The following CACNA2D3 variants were observed in gnomAD, a reference collection of about 807,000 sequenced individuals.
The protein encoded by CACNA2D3 is voltage-dependent calcium channel subunit alpha-2/delta-3.
CACNA2D3 carries 60 observed loss-of-function variants against 160.6 expected under a neutral mutation model. The ratio of observed to expected loss-of-function variants is 0.37; its 90% confidence interval spans 0.30 to 0.46. CACNA2D3 has a LOEUF of 0.46. CACNA2D3 is among the 20% of genes least tolerant of loss of function. CACNA2D3 has a pLI of 1.00. For synonymous variants in CACNA2D3, 558 were observed against 492.9 expected (o/e 1.13, Z -1.75); for missense variants, 1,205 against 1,365.0 (o/e 0.88, Z 1.85).
intron 13 of CACNA2D3, among the ~76,000 whole-genome samples, chr3:54,794,665 C>T (rs1702831942): frequency 7.1e-6 from 1 of 141,394 alleles, no homozygotes; most frequent in South Asian, 2.2e-4. Context: ...GTGTTATTTT[C>T]ACTAGATACA....
intron 11 of CACNA2D3, among the ~76,000 whole-genome samples, chr3:54,675,513 T>G (rs1700229235): frequency 6.6e-6 from 1 of 152,066 alleles, no homozygotes; most frequent in Admixed American, 6.5e-5. Context: ...AGGTGGTCAG[T>G]CAGTCCTCTT....
At chr3:54,657,957 G>A (rs2106875490) in intron 11 of CACNA2D3, among the ~76,000 whole-genome samples, 1 of 152,322 alleles carries the variant, frequency 6.6e-6, no homozygotes, top group Admixed American at 6.5e-5. Context: ...GGTGGAAGTT[G>A]CAATGAGCTG....
At chr3:54,626,639 C>A in intron 9 of CACNA2D3, 1 of 1,134,950 alleles carries the variant, frequency 8.8e-7, no homozygotes, top group East Asian at 2.4e-5. Context: ...CGCTTCATCC[C>A]TCTCAAGCAG....
chr3:54,510,348 G>T (rs1424872012), intron 5 of CACNA2D3, among the ~76,000 whole-genome samples: 2 of 152,092 alleles, frequency 1.3e-5, no homozygotes, highest in East Asian at 3.9e-4. Flanking sequence ...TTATCTCATT[G>T]ACAATGACCC....
chr3:54,904,141 A>C (rs895076371), intron 27 of CACNA2D3, among the ~76,000 whole-genome samples: 1 of 152,232 alleles, frequency 6.6e-6, no homozygotes, highest in African/African-American at 2.4e-5. Flanking sequence ...AGGGCAAGAG[A>C]GCACACACAA....
At chr3:54,946,594 C>T (rs1850140) in intron 27 of CACNA2D3, among the ~76,000 whole-genome samples, 39,813 of 151,766 alleles carry the variant, frequency 0.26, 5,514 homozygotes, top group African/African-American at 0.35. Flanking sequence ...TTACTTTCAC[C>T]AAGGCCTTGT....
At chr3:54,125,720 G>T (rs138838248) in intron 2 of CACNA2D3, among the ~76,000 whole-genome samples, 1 of 152,180 alleles carries the variant, frequency 6.6e-6, no homozygotes, top group African/African-American at 2.4e-5. Flanking sequence ...AAATGCTTTT[G>T]TATTTTTAAA....
At chr3:54,245,170 C>A (rs2107413545) in intron 2 of CACNA2D3, among the ~76,000 whole-genome samples, 1 of 152,252 alleles carries the variant, frequency 6.6e-6, no homozygotes, top group South Asian at 2.1e-4. Context: ...TGGTCATAGC[C>A]TACAAGTATT....
intron 2 of CACNA2D3, among the ~76,000 whole-genome samples, chr3:54,181,828 G>A (rs1463173050): frequency 6.6e-6 from 1 of 152,168 alleles, no homozygotes; most frequent in Non-Finnish European, 1.5e-5. Flanking sequence ...GTTTTCTTGT[G>A]ATAGGACCCC....
In CACNA2D3 at chr3:54,781,195, A is replaced by C. The variant is rs143383131; in HGVS notation, c.1380+16844A>C. Among the ~76,000 whole-genome samples the C allele has an allele frequency of 5.5e-3, 845 of 152,346 alleles. 11 individuals carry two copies. Among genetic ancestry groups the C allele is most frequent in the African/African-American group, 0.019 (798 of 41,588 alleles). On this transcript the variant is annotated intron_variant, in intron 13 of 37. Coordinates refer to ENST00000474759, the MANE Select transcript of CACNA2D3 (RefSeq NM_018398.3). ...GATTAGTGGTTGGGAATGCAGAGAC[A>C]CAGCAAGGGCTGGGCCTTGGCCACA...
At chr3:54,491,469 A>G (rs562366086) in intron 4 of CACNA2D3, among the ~76,000 whole-genome samples, 1 of 152,312 alleles carries the variant, frequency 6.6e-6, no homozygotes, top group East Asian at 1.9e-4. Context: ...TCACCTGGAG[A>G]GACTGAAAGA....
chr3:54,904,645 G>T (rs1012270540), intron 27 of CACNA2D3, among the ~76,000 whole-genome samples: 2 of 152,200 alleles, frequency 1.3e-5, no homozygotes, highest in African/African-American at 2.4e-5. Flanking sequence ...TAAGGGCAAA[G>T]ACCCAATTAT....
At chr3:54,853,553 C>G (rs1699106045) in intron 17 of CACNA2D3, among the ~76,000 whole-genome samples, 1 of 152,130 alleles carries the variant, frequency 6.6e-6, no homozygotes, top group South Asian at 2.1e-4. Flanking sequence ...CATCAGATGT[C>G]CTTAAGTCCA....
At chr3:54,865,260 A>G (rs1164708034) in intron 17 of CACNA2D3, among the ~76,000 whole-genome samples, 2 of 152,230 alleles carry the variant, frequency 1.3e-5, no homozygotes, top group African/African-American at 4.8e-5. Flanking sequence ...AGTAAGGGCA[A>G]TATACTTTTC....
chr3:54,178,920 G>A (rs931555960), intron 2 of CACNA2D3, among the ~76,000 whole-genome samples: 3 of 152,142 alleles, frequency 2.0e-5, no homozygotes, highest in Admixed American at 1.3e-4. Context: ...TGTTTGGAAG[G>A]CACTATAGGT....
rs765045800 is a variant in CACNA2D3, at chr3:54,678,202, G to C, written c.1167+35961G>C. ...AGACAGACCTTTCTGTAATAATTTA[G>C]CTTGATGTTTCCAAGAGAGAAGTAG... On this transcript the variant is annotated intron_variant, in intron 11 of 37. Coordinates refer to ENST00000474759, the MANE Select transcript of CACNA2D3 (RefSeq NM_018398.3). 3.9e-4 allele frequency among the ~76,000 whole-genome samples: 59 copies of C among 152,242 alleles called. No homozygotes were observed. The Middle Eastern group carries it at 0.01, about 26-fold the overall frequency.
intron 11 of CACNA2D3, among the ~76,000 whole-genome samples, chr3:54,652,259 T>C (rs984594263): frequency 1.3e-5 from 2 of 152,144 alleles, no homozygotes; most frequent in Non-Finnish European, 2.9e-5. Context: ...AGGAGGTAGC[T>C]GTCTTAGGGT....
At chr3:54,561,993 G>C (rs1702332938) in intron 5 of CACNA2D3, among the ~76,000 whole-genome samples, 1 of 152,164 alleles carries the variant, frequency 6.6e-6, no homozygotes, top group Admixed American at 6.5e-5. Flanking sequence ...GGTCTCGTGA[G>C]ACTTATTCGC....
chr3:54,519,551 C>A (rs1559503101), intron 5 of CACNA2D3, among the ~76,000 whole-genome samples: 1 of 152,184 alleles, frequency 6.6e-6, no homozygotes. Flanking sequence ...ATTTTCTGAG[C>A]CTTGCCTCCT....
Sources: allele counts gnomAD v4.1 joint callset (sites outside exome capture counted in the v4.1 genomes callset), GRCh38; gene constraint gnomAD v4.1.1; transcripts MANE v1.5; gene names NCBI Gene and HGNC (gene_info 2026-07-23, HGNC 2026-07-21).